The following KALRN variants were observed in gnomAD, a reference collection of about 807,000 sequenced individuals.
KALRN encodes kalirin RhoGEF kinase.
A neutral mutation model predicts 353.7 loss-of-function variants in KALRN; 70 were observed. The observed-to-expected ratio is 0.20, with a 90% confidence interval of 0.16 to 0.24. The LOEUF (loss-of-function observed/expected upper bound fraction) is 0.24. Among genes scored for constraint, KALRN ranks in the 10% least tolerant of loss-of-function variants. The probability of loss-of-function intolerance (pLI) is 1.00; values close to 1 mark genes in which losing one functional copy is unlikely to be tolerated. For missense variants in KALRN, 2,791 were observed against 3,756.7 expected (o/e 0.74, Z 6.72); for synonymous variants, 1,391 against 1,434.8 (o/e 0.97, Z 0.69).
chr3:124,455,579 C>A (rs1012148773), intron 22 of KALRN, among the ~76,000 whole-genome samples: 10 of 152,160 alleles, frequency 6.6e-5, no homozygotes, highest in Non-Finnish European at 1.2e-4. Context: ...CTATACATTA[C>A]AAAATCGACT....
chr3:124,134,944 C>T (rs1289204182), intron 1 of KALRN, among the ~76,000 whole-genome samples: 1 of 152,212 alleles, frequency 6.6e-6, no homozygotes, highest in East Asian at 1.9e-4. Context: ...TAAACTAGTA[C>T]AGCCACTGTG....
chr3:124,298,406 A>G (rs2077010536), intron 5 of KALRN, among the ~76,000 whole-genome samples: 1 of 152,110 alleles, frequency 6.6e-6, no homozygotes, highest in African/African-American at 2.4e-5. Flanking sequence ...TGCTTCCTTC[A>G]AAGATTTCTC....
chr3:124,302,287 A>G (rs1042896044), intron 6 of KALRN, among the ~76,000 whole-genome samples: 2 of 152,244 alleles, frequency 1.3e-5, no homozygotes, highest in African/African-American at 2.4e-5. Context: ...AAATAAATAT[A>G]TAATTACAAA....
At chr3:124,688,580 C>T (rs368210385) in intron 51 of KALRN, among the ~76,000 whole-genome samples, 42 of 152,200 alleles carry the variant, frequency 2.8e-4, no homozygotes, top group African/African-American at 1.0e-3. Flanking sequence ...ATATTCTGGG[C>T]AGCTGTCAGT....
chr3:124,385,029 C>A lies in KALRN; in HGVS notation c.1955C>A (p.Thr652Asn). ...LDMSVSFHTH[T>N]KELWTWMEDL... The stretch of plus-strand genomic sequence containing the variant: ...ATGTCTGTTTCCTTCCACACACACA[C>A]CAAAGAGGTAAGGGGAGCTAGTGGA... The change falls in exon 11 of 60, where the codon ACC (threonine) becomes AAC (asparagine). Residue 652 changes from threonine (T) to asparagine (N), a missense_variant. By Grantham distance (65) the Thr-to-Asn change is moderately conservative. Transcript: ENST00000682506. 6.3e-7 allele frequency: 1 copy of A among 1,598,878 alleles called. No individual in the cohort carries two copies. Among genetic ancestry groups the A allele is most frequent in the Non-Finnish European group, 8.5e-7 (1 of 1,170,630 alleles).
chr3:124,690,714 A>G (rs939845390), intron 51 of KALRN, among the ~76,000 whole-genome samples: 1 of 152,224 alleles, frequency 6.6e-6, no homozygotes, highest in African/African-American at 2.4e-5. Context: ...GGGGATACAT[A>G]ACATTTGCTC....
chr3:124,696,197 C>T lies in KALRN; in HGVS notation c.7641C>T (p.Thr2547=), dbSNP rs564808647. ...TGCCCCAAGACAGTGGGATTTATACCTGCATAGCAACAAATGACCACGGGA... is the reference window on the plus strand; with the variant it reads ...TGCCCCAAGACAGTGGGATTTATACTTGCATAGCAACAAATGACCACGGGA... ...NLMPQDSGIY[T]CIATNDHGTT... is the part of the protein sequence containing the mutation. The change falls in exon 54 of 60, where the codon ACC becomes ACT. Residue 2547 remains threonine, a synonymous_variant. Coordinates refer to ENST00000682506, the MANE Select transcript of KALRN (RefSeq NM_001388419.1). 2 of 1,613,872 alleles carry T rather than the reference C, an allele frequency of 1.2e-6. No individual in the cohort carries two copies. The highest frequency in any genetic ancestry group is 1.1e-5 in the South Asian group (1 of 91,072).
chr3:124,430,672 G>A lies in KALRN; in HGVS notation c.2726G>A (p.Arg909His), dbSNP rs369008691. The stretch of plus-strand genomic sequence containing the variant: ...ATTCCCTAGGTTCTGGGATGGATCC[G>A]CAATGGAGAGTCAATGCTCAACGCC... ...AEVKQVLGWI[R>H]NGESMLNASL... Residue 909 changes from arginine to histidine, a missense_variant, in exon 16 of 60, where the codon CGC (arginine) becomes CAC (histidine). Transcript: ENST00000682506. 12 of 1,614,084 alleles carry A rather than the reference G, an allele frequency of 7.4e-6. No individual in the cohort carries two copies. Among genetic ancestry groups the A allele is most frequent in the East Asian group, 4.5e-5 (2 of 44,870 alleles).
At chr3:124,656,243 A>C (rs555904986) in intron 39 of KALRN, among the ~76,000 whole-genome samples, 35 of 152,240 alleles carry the variant, frequency 2.3e-4, no homozygotes, top group African/African-American at 8.4e-4. Flanking sequence ...GAAAAAAAAA[A>C]AGCCTGAGAA....
At position 124,456,531 on chromosome 3, in the gene KALRN, T is replaced by A. The variant is rs929118667; in HGVS notation, c.3736-79T>A. ...TCTCCATTATATCTTTTTTTCCCCC[T>A]TTTACCACCTCCCTCAACTCCAGTG... On this transcript the variant is annotated intron_variant, in intron 22 of 59. Transcript: ENST00000682506. 18 of 965,924 alleles carry A rather than the reference T, an allele frequency of 1.9e-5. 1 individual carries two copies. The Middle Eastern group carries it at 8.7e-4, about 47-fold the overall frequency. 59.8% of individuals were successfully genotyped at this position (965,924 alleles called of 1,614,324 possible). A position where few individuals can be genotyped will look rare whatever the true frequency, so the allele number is the denominator to read the frequency against.
intron 7 of KALRN, among the ~76,000 whole-genome samples, chr3:124,327,600 C>A (rs1382280123): frequency 6.6e-6 from 1 of 152,158 alleles, no homozygotes; most frequent in African/African-American, 2.4e-5. Flanking sequence ...CATATACACA[C>A]ACACATATAT....
intron 13 of KALRN, among the ~76,000 whole-genome samples, chr3:124,404,153 G>GAAAAAAAAAAAA (rs66603520): frequency 8.1e-6 from 1 of 123,586 alleles, no homozygotes; most frequent in African/African-American, 3.3e-5. Flanking sequence ...CTGCTCTCTG[G>GAAAAAAAAAAAA]AAAAAAAAAA....
chr3:124,541,291 A>T (rs2068997875), intron 33 of KALRN, among the ~76,000 whole-genome samples: 1 of 151,478 alleles, frequency 6.6e-6, no homozygotes, highest in African/African-American at 2.4e-5. Flanking sequence ...CTCTACTGAA[A>T]ATACAAAAAT....
At chr3:124,460,513 TC>T (rs2059748854) in intron 23 of KALRN, among the ~76,000 whole-genome samples, 1 of 152,232 alleles carries the variant, frequency 6.6e-6, no homozygotes, top group Non-Finnish European at 1.5e-5. Context: ...CAGTTTATGT[TC>T]CTTCTGATCT....
intron 1 of KALRN, among the ~76,000 whole-genome samples, chr3:124,193,560 G>C (rs1314495632): frequency 2.0e-5 from 3 of 151,356 alleles, no homozygotes; most frequent in African/African-American, 7.3e-5. Context: ...CTATTTCCAA[G>C]TTCACTCCTA....
intron 37 of KALRN, among the ~76,000 whole-genome samples, chr3:124,641,004 G>A (rs1413734730): frequency 6.6e-6 from 1 of 152,102 alleles, no homozygotes; most frequent in Non-Finnish European, 1.5e-5. Context: ...ACGGAATTCT[G>A]CTTTAGAATT....
At chr3:124,121,015 A>G (rs1056341246) in intron 1 of KALRN, among the ~76,000 whole-genome samples, 4 of 140,058 alleles carry the variant, frequency 2.9e-5, no homozygotes, top group Non-Finnish European at 6.1e-5. Flanking sequence ...AATTGCTTGA[A>G]CCCGAGAGGC....
At chr3:124,524,207 G>T (rs2067393338) in intron 33 of KALRN, among the ~76,000 whole-genome samples, 1 of 152,136 alleles carries the variant, frequency 6.6e-6, no homozygotes, top group African/African-American at 2.4e-5. Context: ...TGTACTCTAT[G>T]CTCAAAGAAA....
chr3:124,628,742 ATTTTTTTT>A lies in KALRN; in HGVS notation c.5183-3657_5183-3650del, dbSNP rs58523719. ...AGTCATGTGCCACCACACCTGGCTA[ATTTTTTTT>A]TTTTTTTTTTTTTTTTTTTTGTAGA... On this transcript the variant is annotated intron_variant, in intron 34 of 59. Coordinates refer to ENST00000682506, the MANE Select transcript of KALRN (RefSeq NM_001388419.1). Among the ~76,000 whole-genome samples, 631 of 100,090 alleles carry A rather than the reference ATTTTTTTT, an allele frequency of 6.3e-3. 3 individuals carry two copies. Among genetic ancestry groups the A allele is most frequent in the Middle Eastern group, 0.021 (4 of 190 alleles). 65.7% of individuals were successfully genotyped at this position (100,090 alleles called of 152,430 possible).
Sources: allele counts gnomAD v4.1 joint callset (sites outside exome capture counted in the v4.1 genomes callset), GRCh38; gene constraint gnomAD v4.1.1; transcripts MANE v1.5; gene names NCBI Gene and HGNC (gene_info 2026-07-23, HGNC 2026-07-21).